The following GALNT13 variants were observed in gnomAD, a reference collection of about 807,000 sequenced individuals.
The protein encoded by GALNT13 is polypeptide N-acetylgalactosaminyltransferase 13.
GALNT13 carries 28 observed loss-of-function variants against 64.2 expected under a neutral mutation model. The observed-to-expected ratio is 0.44, with a 90% CI of 0.32 to 0.60. GALNT13 has a LOEUF of 0.60. Ranked by LOEUF, GALNT13 falls within the 20% of genes least tolerant of loss-of-function variation. The pLI is 0.05. For synonymous variants in GALNT13, 214 were observed against 224.6 expected (o/e 0.95, Z 0.42); for missense variants, 577 against 669.8 (o/e 0.86, Z 1.53).
the GALNT13 span, among the ~76,000 whole-genome samples, chr2:153,288,302 T>C: frequency 2.0e-5 from 3 of 152,222 alleles, no homozygotes; most frequent in Non-Finnish European, 2.9e-5. Flanking sequence ...TATGGATATA[T>C]GGATGTATAT....
chr2:153,274,531 A>G, the GALNT13 span, among the ~76,000 whole-genome samples: 52,586 of 152,124 alleles, frequency 0.35, 9,326 homozygotes, highest in Middle Eastern at 0.51. Flanking sequence ...AAAGAGTCCC[A>G]GGCTGGGACC....
chr2:153,433,848 CTTTAAG>C, the GALNT13 span, among the ~76,000 whole-genome samples: 1 of 151,760 alleles, frequency 6.6e-6, no homozygotes, highest in African/African-American at 2.4e-5. Flanking sequence ...TATTATTATA[CTTTAAG>C]TTTTAGGGTA....
chr2:153,512,676 C>A, the GALNT13 span, among the ~76,000 whole-genome samples: 1 of 152,126 alleles, frequency 6.6e-6, no homozygotes, highest in Non-Finnish European at 1.5e-5. Flanking sequence ...TAGGATAACA[C>A]CCGGCACATA....
At chr2:153,224,094 T>C in the GALNT13 span, among the ~76,000 whole-genome samples, 1 of 152,114 alleles carries the variant, frequency 6.6e-6, no homozygotes, top group Non-Finnish European at 1.5e-5. Context: ...AACCTAGACT[T>C]CCACCTTAGG....
At chr2:153,685,739 C>T in the GALNT13 span, among the ~76,000 whole-genome samples, 609 of 152,020 alleles carry the variant, frequency 4.0e-3, 5 homozygotes, top group African/African-American at 0.014. Flanking sequence ...TATCGTTGCC[C>T]GTGCTTATGC....
chr2:153,621,870 T>A, the GALNT13 span, among the ~76,000 whole-genome samples: 1 of 152,128 alleles, frequency 6.6e-6, no homozygotes, highest in Non-Finnish European at 1.5e-5. Context: ...AGGGAAGGTC[T>A]AGAAAAAGGC....
At chr2:153,426,811 C>A in the GALNT13 span, among the ~76,000 whole-genome samples, 1 of 151,724 alleles carries the variant, frequency 6.6e-6, no homozygotes, top group Non-Finnish European at 1.5e-5. Context: ...CTCTTATTGT[C>A]TCAGTGGGCT....
chr2:153,440,407 A>T, the GALNT13 span, among the ~76,000 whole-genome samples: 2 of 152,186 alleles, frequency 1.3e-5, no homozygotes, highest in African/African-American at 4.8e-5. Context: ...GTTGCAATAA[A>T]CATATGTGTG....
At chr2:153,472,984 T>C in the GALNT13 span, among the ~76,000 whole-genome samples, 3 of 151,696 alleles carry the variant, frequency 2.0e-5, no homozygotes, top group Admixed American at 1.3e-4. Flanking sequence ...AGTTGAACAA[T>C]GAGAATATAT....
chr2:153,775,322 C>T, the GALNT13 span, among the ~76,000 whole-genome samples: 4 of 152,200 alleles, frequency 2.6e-5, no homozygotes, highest in Admixed American at 6.5e-5. Flanking sequence ...AATATTAACA[C>T]AAAATACATT....
the GALNT13 span, among the ~76,000 whole-genome samples, chr2:153,736,405 C>T: frequency 2.6e-5 from 4 of 152,120 alleles, no homozygotes; most frequent in Admixed American, 2.6e-4. Flanking sequence ...CCCTACTTCC[C>T]CAATGTAATC....
intron 10 of GALNT13, among the ~76,000 whole-genome samples, chr2:154,404,815 T>C (rs1699453580): frequency 6.6e-6 from 1 of 151,858 alleles, no homozygotes; most frequent in South Asian, 2.1e-4. Flanking sequence ...TCAGGAGGTC[T>C]CAAGAAATAG....
intron 1 of GALNT13, among the ~76,000 whole-genome samples, chr2:153,884,457 G>A (rs55858281): frequency 3.4e-3 from 517 of 151,742 alleles, no homozygotes; most frequent in Middle Eastern, 0.02. Flanking sequence ...GGGGTTGAGG[G>A]GGTTTACTAT....
At chr2:154,266,770 G>A (rs1318947352) in intron 8 of GALNT13, among the ~76,000 whole-genome samples, 1 of 151,498 alleles carries the variant, frequency 6.6e-6, no homozygotes, top group African/African-American at 2.4e-5. Context: ...ATAGTTAAGT[G>A]TATTGTATTT....
intron 2 of GALNT13, among the ~76,000 whole-genome samples, chr2:153,916,229 C>G (rs568773343): frequency 6.6e-6 from 1 of 150,744 alleles, no homozygotes; most frequent in South Asian, 2.1e-4. Flanking sequence ...ACAATCATAG[C>G]TCACTGCAGC....
At chr2:153,493,835 C>G in the GALNT13 span, among the ~76,000 whole-genome samples, 8 of 151,004 alleles carry the variant, frequency 5.3e-5, no homozygotes, top group Non-Finnish European at 7.4e-5. Context: ...GATTTCACAT[C>G]AAGAAAAAAA....
intron 4 of GALNT13, among the ~76,000 whole-genome samples, chr2:154,194,346 G>T (rs1686765363): frequency 6.6e-6 from 1 of 152,150 alleles, no homozygotes; most frequent in Non-Finnish European, 1.5e-5. Flanking sequence ...CAAATGAGAG[G>T]TTGAGACCAA....
At chr2:154,020,683 G>C (rs1007950818) in intron 3 of GALNT13, among the ~76,000 whole-genome samples, 29 of 150,394 alleles carry the variant, frequency 1.9e-4, no homozygotes, top group African/African-American at 6.8e-4. Context: ...TTCTTTTGCT[G>C]TGCAGAAGCT....
At chr2:153,307,933 C>A in the GALNT13 span, among the ~76,000 whole-genome samples, 1 of 151,960 alleles carries the variant, frequency 6.6e-6, no homozygotes, top group Non-Finnish European at 1.5e-5. Context: ...GTGCATATTT[C>A]ATGCAAGATG....
Sources: gnomAD v4.1 joint callset for allele counts (sites outside exome capture counted in the v4.1 genomes callset) on GRCh38, gnomAD v4.1.1 for gene constraint, MANE v1.5 for transcripts, NCBI Gene and HGNC (gene_info 2026-07-23, HGNC 2026-07-21) for gene names.